Variants in CCSER1 observed in about 807,000 individuals in gnomAD.
CCSER1 encodes the protein coiled-coil serine rich protein 1.
Under a neutral mutation model 82.0 loss-of-function variants are expected in CCSER1, and 41 were observed. That is an observed-to-expected ratio of 0.50 (90% CI 0.39 to 0.65). CCSER1 has a LOEUF of 0.65. Ranked by LOEUF, CCSER1 falls within the 30% of genes least tolerant of loss-of-function variation. The pLI, the probability that CCSER1 is intolerant of heterozygous loss-of-function variation, is 0.00. For missense variants in CCSER1, 1,119 were observed against 1,064.2 expected, an observed-to-expected ratio of 1.05 and a Z score of -0.72; for synonymous variants, 414 against 383.9, an observed-to-expected ratio of 1.08 and a Z score of -0.92.
chr4:91,079,612 A>G (rs1187005247), intron 9 of CCSER1, among the ~76,000 whole-genome samples: 1 of 152,262 alleles, frequency 6.6e-6, no homozygotes, highest in Non-Finnish European at 1.5e-5. Flanking sequence ...TCCAAATAAA[A>G]GACACAGACT....
rs556823531 is a variant in CCSER1 at position 90,552,519 on chromosome 4, G to A, written c.1725-75506G>A. Among the ~76,000 whole-genome samples the A allele has an allele frequency of 3.2e-4, 49 of 151,756 alleles. 1 individual carries two copies. In the South Asian group the frequency reaches 8.6e-3, roughly 27 times the overall value. ...TTTACCCAGGCTGGAGTGCAGAGGCGCAATTTCAGCTCACTGCAACCTCCA... is the reference window on the plus strand; with the variant it reads ...TTTACCCAGGCTGGAGTGCAGAGGCACAATTTCAGCTCACTGCAACCTCCA... On this transcript the variant is annotated intron_variant, in intron 5 of 10. Coordinates refer to ENST00000509176, the MANE Select transcript of CCSER1 (RefSeq NM_001145065.2).
intron 10 of CCSER1, among the ~76,000 whole-genome samples, chr4:91,445,060 G>T (rs914373561): frequency 5.3e-5 from 8 of 152,156 alleles, no homozygotes; most frequent in Non-Finnish European, 7.3e-5. Context: ...GAAAATGTGA[G>T]TATAAATTCT....
chr4:91,052,861 T>G (rs1223269252), intron 9 of CCSER1, among the ~76,000 whole-genome samples: 1 of 152,100 alleles, frequency 6.6e-6, no homozygotes, highest in Non-Finnish European at 1.5e-5. Flanking sequence ...TGAGATTACA[T>G]CTTTATGTAG....
In CCSER1 at chr4:90,271,862, A is replaced by ATTT. The variant is rs1176154331; in HGVS notation, c.-41-36356_-41-36354dup. 2.3e-3 allele frequency among the ~76,000 whole-genome samples: 51 copies of ATTT among 21,720 alleles called. 7 individuals carry two copies. Among genetic ancestry groups the ATTT allele is most frequent in the East Asian group, 0.017 (13 of 756 alleles). 14.2% of individuals were successfully genotyped at this position (21,720 alleles called of 152,430 possible). A position where few individuals can be genotyped will look rare whatever the true frequency, so the allele number is the denominator to read the frequency against. On this transcript the variant is annotated intron_variant, in intron 1 of 10. Coordinates refer to ENST00000509176, the MANE Select transcript of CCSER1 (RefSeq NM_001145065.2). ...TATATATATATATATATATATATAT[A>ATTT]TTTTTTTTTTTTTTTTTTTTTTTTT... is the stretch of plus-strand genomic sequence containing the variant.
At chr4:90,659,047 A>G (rs1730257047) in intron 6 of CCSER1, among the ~76,000 whole-genome samples, 1 of 149,558 alleles carries the variant, frequency 6.7e-6, no homozygotes, top group African/African-American at 2.4e-5. Flanking sequence ...TCATCCTTGT[A>G]AATTTGATTT....
chr4:90,257,321 T>C (rs1723504842), intron 1 of CCSER1, among the ~76,000 whole-genome samples: 1 of 152,162 alleles, frequency 6.6e-6, no homozygotes, highest in Non-Finnish European at 1.5e-5. Flanking sequence ...GACAGGGACC[T>C]TGTATGGTTC....
In CCSER1 at chr4:90,842,191, G is replaced by A. The variant is rs1762653738; in HGVS notation, c.2094+26346G>A. On this transcript the variant is annotated intron_variant, in intron 8 of 10. Transcript: ENST00000509176. The stretch of plus-strand genomic sequence containing the variant: ...TCTTTAAACAAAGCAAAATTATTTT[G>A]AAAGCAAAAACATATATTTTCTTCT... 2.6e-5 allele frequency among the ~76,000 whole-genome samples: 4 copies of A among 152,062 alleles called. No homozygotes were observed. In the South Asian group the frequency reaches 8.3e-4, roughly 32 times the overall value.
Position 91,602,947 on chromosome 4 carries a change from A to G in CCSER1, c.*3890A>G, listed in dbSNP as rs1338859563. ...GTTATGTATTTTCATATGCATATAT[A>G]TATTTTTGTATAAGAAGTATTTCAA... On this transcript the variant is annotated 3_prime_UTR_variant, in exon 11 of 11. Transcript: ENST00000509176. 6.6e-6 allele frequency among the ~76,000 whole-genome samples: 1 copy of G among 152,040 alleles called. No individual in the cohort carries two copies.
chr4:91,148,903 G>C (rs1341400894), intron 10 of CCSER1, among the ~76,000 whole-genome samples: 2 of 152,130 alleles, frequency 1.3e-5, no homozygotes, highest in African/African-American at 4.8e-5. Context: ...ATTTGGGTTG[G>C]TTCCAAATCT....
chr4:91,234,708 A>C (rs1309538253), intron 10 of CCSER1, among the ~76,000 whole-genome samples: 1 of 152,128 alleles, frequency 6.6e-6, no homozygotes. Flanking sequence ...CACTTTGAGT[A>C]AATCTAATCT....
intron 8 of CCSER1, among the ~76,000 whole-genome samples, chr4:90,849,031 A>T (rs936033732): frequency 6.6e-6 from 1 of 152,124 alleles, no homozygotes; most frequent in Non-Finnish European, 1.5e-5. Context: ...GTATTTTTTT[A>T]TAGCAGCGTG....
intron 1 of CCSER1, among the ~76,000 whole-genome samples, chr4:90,146,474 A>T (rs114872987): frequency 0.02 from 3,032 of 152,106 alleles, 95 homozygotes; most frequent in African/African-American, 0.068. Flanking sequence ...AAAAACAGCT[A>T]CCGTCATTCT....
In CCSER1 at chr4:90,391,471, TATATATATATATATACACAC is replaced by T. The variant is rs1253285078; in HGVS notation, c.1510-8563_1510-8544del. On this transcript the variant is annotated intron_variant, in intron 3 of 10. Coordinates refer to ENST00000509176, the MANE Select transcript of CCSER1 (RefSeq NM_001145065.2). The stretch of plus-strand genomic sequence containing the variant: ...ATATATATATATATATATATATATA[TATATATATATATATACACAC>T]ACACAGTGGGTAAATATATATATAT... Among the ~76,000 whole-genome samples the T allele has an allele frequency of 7.7e-5, 7 of 91,344 alleles. No homozygotes were observed. The East Asian group carries it at 1.4e-3, about 18-fold the overall frequency. The allele number at this position is 91,344 out of a possible 152,430, so 59.9% of individuals were successfully genotyped here.
intron 8 of CCSER1, among the ~76,000 whole-genome samples, chr4:90,900,094 G>GTTTTTTTTTTTTTTTT (rs70963096): frequency 2.0e-5 from 2 of 102,154 alleles, no homozygotes; most frequent in African/African-American, 6.7e-5. Context: ...TGGTCCCAGA[G>GTTTTTTTTTTTTTTTT]TTTTTTTTTT....
At chr4:91,129,454 T>G (rs2148905631) in intron 10 of CCSER1, among the ~76,000 whole-genome samples, 1 of 118,476 alleles carries the variant, frequency 8.4e-6, no homozygotes, top group South Asian at 2.4e-4. Flanking sequence ...AGATCTGAAA[T>G]TTAGATATTT....
chr4:90,572,845 G>C (rs139873408), intron 5 of CCSER1, among the ~76,000 whole-genome samples: 9 of 152,266 alleles, frequency 5.9e-5, no homozygotes, highest in Middle Eastern at 3.4e-3. Context: ...TTTAGCCATT[G>C]ATACCATATT....
rs1204528043 is a variant in CCSER1, at chr4:90,403,288, A to G, written c.1603+3159A>G. Among the ~76,000 whole-genome samples, 4 of 151,962 alleles carry G rather than the reference A, an allele frequency of 2.6e-5. No individual in the cohort carries two copies. The East Asian group carries it at 7.7e-4, about 29-fold the overall frequency. On this transcript the variant is annotated intron_variant, in intron 4 of 10. Transcript: ENST00000509176. ...GCTGAGGCGGGTGGATCACGAGGTC[A>G]GGAGATCGAGACCATCCCGGCTAAA...
intron 5 of CCSER1, among the ~76,000 whole-genome samples, chr4:90,543,570 G>A (rs905945241): frequency 2.0e-5 from 3 of 152,132 alleles, no homozygotes; most frequent in Admixed American, 2.0e-4. Flanking sequence ...AATAGATGCT[G>A]TCATCTTTCA....
At chr4:90,233,001 T>C (rs1744934380) in intron 1 of CCSER1, among the ~76,000 whole-genome samples, 2 of 151,424 alleles carry the variant, frequency 1.3e-5, no homozygotes, top group South Asian at 2.1e-4. Flanking sequence ...TGTGGAGAAA[T>C]AGGAACACTT....
Sources: allele counts gnomAD v4.1 joint callset (sites outside exome capture counted in the v4.1 genomes callset), GRCh38; gene constraint gnomAD v4.1.1; transcripts MANE v1.5; gene names NCBI Gene and HGNC (gene_info 2026-07-23, HGNC 2026-07-21).